EIF2B3: variants seen among roughly 807,000 people sequenced by gnomAD.
The protein encoded by EIF2B3 is translation initiation factor eIF2B subunit gamma.
EIF2B3 carries 20 observed loss-of-function variants against 54.1 expected under a neutral mutation model. That is an observed-to-expected ratio of 0.37 (90% CI 0.26 to 0.54). The LOEUF (loss-of-function observed/expected upper bound fraction) is 0.54, where lower values mean the gene tolerates loss of function less well. EIF2B3 is among the 20% of genes least tolerant of loss of function. The probability of loss-of-function intolerance (pLI) is 0.86; values close to 1 mark genes in which losing one functional copy is unlikely to be tolerated. For missense variants in EIF2B3, 448 were observed against 547.8 expected (o/e 0.82, Z 1.82); for synonymous variants, 153 against 188.1 (o/e 0.81, Z 1.52).
chr1:44,934,590 C>T (rs1643926845), intron 4 of EIF2B3, among the ~76,000 whole-genome samples: 1 of 151,794 alleles, frequency 6.6e-6, no homozygotes, highest in Admixed American at 6.6e-5. Context: ...CTACAACCTC[C>T]ACCTCCCAGG....
intron 3 of EIF2B3, among the ~76,000 whole-genome samples, chr1:44,953,758 A>C (rs1644194358): frequency 6.6e-6 from 1 of 152,208 alleles, no homozygotes; most frequent in African/African-American, 2.4e-5. Context: ...ACATCACTGC[A>C]CTTCAGCTTG....
intron 1 of EIF2B3, among the ~76,000 whole-genome samples, chr1:44,982,282 A>G (rs988387657): frequency 4.6e-5 from 7 of 152,216 alleles, no homozygotes; most frequent in Non-Finnish European, 8.8e-5. Context: ...GGCACAGTAG[A>G]AGGTCATAAA....
Position 44,981,088 on chromosome 1 carries a change from C to G in EIF2B3, c.81G>C (p.Leu27=). Residue 27 remains leucine, a synonymous_variant, in exon 2 of 12, where the codon CTG becomes CTC. Coordinates refer to ENST00000360403, the MANE Select transcript of EIF2B3 (RefSeq NM_020365.5). ...TDLTSSIPKP[L]LPVGNKPLIW... ...TTAAAGGTTTGTTCCCAACTGGAAG[C>G]AGAGGTTTGGGAATGCTGGAAGTTA... 6.2e-7 allele frequency: 1 copy of G among 1,613,294 alleles called. No individual in the cohort carries two copies.
At chr1:44,861,136 A>G (rs1010198528) in intron 10 of EIF2B3, among the ~76,000 whole-genome samples, 5 of 152,210 alleles carry the variant, frequency 3.3e-5, no homozygotes, top group Admixed American at 2.6e-4. Context: ...GACTTGGGAT[A>G]CACTCAGTGG....
chr1:44,891,123 G>T (rs187798070), intron 6 of EIF2B3, among the ~76,000 whole-genome samples: 53 of 152,134 alleles, frequency 3.5e-4, no homozygotes, highest in Admixed American at 1.6e-3. Flanking sequence ...TTTAAAGATG[G>T]TCTCATTCTG....
At chr1:44,899,047 C>T (rs1039820963) in intron 5 of EIF2B3, among the ~76,000 whole-genome samples, 1 of 152,088 alleles carries the variant, frequency 6.6e-6, no homozygotes, top group African/African-American at 2.4e-5. Context: ...TCTTGAACTC[C>T]CAGCCTCAAG....
intron 1 of EIF2B3, among the ~76,000 whole-genome samples, chr1:44,985,354 C>G (rs1393540608): frequency 1.3e-5 from 2 of 152,084 alleles, no homozygotes; most frequent in African/African-American, 4.8e-5. Flanking sequence ...AGAAGTGACT[C>G]CTTTTCCCGA....
At position 44,935,941 on chromosome 1, in the gene EIF2B3, G is replaced by T. The variant is rs534743735; in HGVS notation, c.454+5565C>A. On this transcript the variant is annotated intron_variant, in intron 4 of 11. Transcript: ENST00000360403. ...AGGGTAGGGATATTGTGGCATTTTG[G>T]TTTTTTTTTTTTTCTGTTTCTATAG... Among the ~76,000 whole-genome samples, 29 of 144,668 alleles carry T rather than the reference G, an allele frequency of 2.0e-4. No individual in the cohort carries two copies. In the East Asian group the frequency reaches 4.6e-3, roughly 23 times the overall value. The allele number at this position is 144,668 out of a possible 152,430, so 94.9% of individuals were successfully genotyped here. A position where few individuals can be genotyped will look rare whatever the true frequency, so the allele number is the denominator to read the frequency against.
intron 8 of EIF2B3, among the ~76,000 whole-genome samples, chr1:44,879,279 T>C (rs549148422): frequency 6.6e-6 from 1 of 152,210 alleles, no homozygotes; most frequent in East Asian, 1.9e-4. Flanking sequence ...AGCTATTTGT[T>C]CCCCATATCT....
intron 5 of EIF2B3, among the ~76,000 whole-genome samples, chr1:44,912,324 A>C (rs1643532654): frequency 6.6e-6 from 1 of 152,214 alleles, no homozygotes; most frequent in Non-Finnish European, 1.5e-5. Flanking sequence ...AGAGTCTTGA[A>C]TTTAGCAATC....
chr1:44,862,448 G>T lies in EIF2B3; in HGVS notation c.1203-4641C>A, dbSNP rs796336373. Among the ~76,000 whole-genome samples the T allele has an allele frequency of 2.8e-4, 43 of 152,296 alleles. 1 individual carries two copies. The highest frequency in any genetic ancestry group is 9.9e-4 in the African/African-American group (41 of 41,544). ...GGCCAGGCACACCACACTATACTAT[G>T]TTGTGGCATATCACCTGAGGAAGAA... On this transcript the variant is annotated intron_variant, in intron 10 of 11. Transcript: ENST00000360403.
Position 44,854,640 on chromosome 1 carries a change from T to A in EIF2B3, c.1306+3064A>T, listed in dbSNP as rs1318583820. On this transcript the variant is annotated intron_variant, in intron 11 of 11. Transcript: ENST00000360403. The stretch of plus-strand genomic sequence containing the variant: ...TTCGCTCTTGTTGCCCAAGATGGAG[T>A]GTGATGGCGTGATCTCAGCTCACCA... 6.8e-5 allele frequency among the ~76,000 whole-genome samples: 10 copies of A among 147,220 alleles called. No individual in the cohort carries two copies. The East Asian group carries it at 1.8e-3, about 27-fold the overall frequency.
chr1:44,858,712 G>A (rs1398689639), intron 10 of EIF2B3, among the ~76,000 whole-genome samples: 6 of 151,980 alleles, frequency 3.9e-5, no homozygotes, highest in South Asian at 2.1e-4. Context: ...TGATCCACCC[G>A]CCTTGGCTTC....
chr1:44,885,018 G>A (rs535591494), intron 6 of EIF2B3, among the ~76,000 whole-genome samples: 1 of 152,326 alleles, frequency 6.6e-6, no homozygotes, highest in Non-Finnish European at 1.5e-5. Context: ...TAAAGTGCAG[G>A]CAGCTCAGAG....
intron 6 of EIF2B3, among the ~76,000 whole-genome samples, chr1:44,885,787 T>C (rs1012018948): frequency 6.6e-6 from 1 of 151,548 alleles, no homozygotes; most frequent in Non-Finnish European, 1.5e-5. Context: ...TCGCTTGGAG[T>C]GCAATGGCAC....
intron 10 of EIF2B3, among the ~76,000 whole-genome samples, chr1:44,861,873 A>G (rs756992478): frequency 1.3e-5 from 2 of 152,192 alleles, no homozygotes; most frequent in African/African-American, 4.8e-5. Context: ...TGTATCCTCA[A>G]TTGTTCCCCA....
chr1:44,945,421 G>T (rs1458498952), intron 3 of EIF2B3, among the ~76,000 whole-genome samples: 1 of 151,920 alleles, frequency 6.6e-6, no homozygotes, highest in Non-Finnish European at 1.5e-5. Flanking sequence ...GGGCGTGGTG[G>T]CAGGCGCCTG....
In EIF2B3 at chr1:44,986,555, G is replaced by C. The variant is rs489676; in HGVS notation, c.-72C>G. 0.48 allele frequency: 72,914 copies of C among 152,278 alleles called. 18,328 individuals carry two copies. The highest frequency in any genetic ancestry group is 0.63 in the African/African-American group (26,119 of 41,510). 9.4% of individuals were successfully genotyped at this position (152,278 alleles called of 1,614,324 possible). A position where few individuals can be genotyped will look rare whatever the true frequency, so the allele number is the denominator to read the frequency against. Reference sequence around the variant, plus strand: ...AAGTCACAGCTATAACTCAGCTCCCGGCACGCCGCAACCGCTCCCAGCGAT... The same window carrying C: ...AAGTCACAGCTATAACTCAGCTCCCCGCACGCCGCAACCGCTCCCAGCGAT... On this transcript the variant is annotated 5_prime_UTR_variant, in exon 1 of 12. Coordinates refer to ENST00000360403, the MANE Select transcript of EIF2B3 (RefSeq NM_020365.5).
At chr1:44,894,892 T>C (rs1373192811) in intron 6 of EIF2B3, among the ~76,000 whole-genome samples, 4 of 152,208 alleles carry the variant, frequency 2.6e-5, no homozygotes, top group Non-Finnish European at 5.9e-5. Context: ...TGCTCAGCTT[T>C]CAAGACCTTC....
Sources: gnomAD v4.1 joint callset for allele counts (sites outside exome capture counted in the v4.1 genomes callset) on GRCh38, gnomAD v4.1.1 for gene constraint, MANE v1.5 for transcripts, NCBI Gene and HGNC (gene_info 2026-07-23, HGNC 2026-07-21) for gene names.